The following ANKRD31 variants were observed in gnomAD, a reference collection of about 807,000 sequenced individuals.
The protein encoded by ANKRD31 is ankyrin repeat domain-containing protein 31.
ANKRD31 carries 147 observed loss-of-function variants against 186.0 expected under a neutral mutation model. The ratio of observed to expected loss-of-function variants is 0.79; its 90% confidence interval spans 0.69 to 0.91. The LOEUF is 0.91. Ranked by LOEUF, ANKRD31 falls within the 40% of genes least tolerant of loss-of-function variation. The pLI is 0.00. For synonymous variants in ANKRD31, 673 were observed against 736.4 expected, an observed-to-expected ratio of 0.91 and a Z score of 1.39; for missense variants, 1,986 against 2,148.8, an observed-to-expected ratio of 0.92 and a Z score of 1.50.
chr5:75,149,245 G>C (rs1272045299), intron 12 of ANKRD31, among the ~76,000 whole-genome samples: 2 of 151,696 alleles, frequency 1.3e-5, no homozygotes, highest in African/African-American at 4.8e-5. Flanking sequence ...GGCTACAAAA[G>C]ATAAAAACCT....
chr5:75,107,379 A>G, intron 21 of ANKRD31, 142 bp downstream of exon 21: 1 of 567,594 alleles, frequency 1.8e-6, no homozygotes. Flanking sequence ...CATGGTAGTA[A>G]CGGATTAGAC....
chr5:75,195,417 C>G (rs922499953), intron 7 of ANKRD31, among the ~76,000 whole-genome samples: 1 of 151,886 alleles, frequency 6.6e-6, no homozygotes, highest in Non-Finnish European at 1.5e-5. Context: ...CTAAAAAGAT[C>G]ACTCTATGCT....
chr5:75,236,583 C>T lies in ANKRD31; in HGVS notation c.104G>A (p.Arg35Lys), dbSNP rs754979467. 14 of 1,536,756 alleles carry T rather than the reference C, an allele frequency of 9.1e-6. 1 individual carries two copies. In the Middle Eastern group the frequency reaches 1.0e-3, roughly 110 times the overall value. ...GCACTGTGGCCCTAATGATGGTCAC[C>T]TTCTCCAGGGCAGCTCCTTTTCTTC... ...DLEEKELPWR[R>K]LLFDQDASLK... is the part of the protein sequence containing the mutation. Residue 35 changes from arginine to lysine, a missense_variant and splice_region_variant, in exon 1 of 26, where the codon AGG becomes AAG. Physicochemically the swap from Arg to Lys is conservative, Grantham distance 26 (BLOSUM62 2). Transcript: ENST00000506364.
Position 75,137,993 on chromosome 5 carries a change from T to A in ANKRD31, c.3739A>T (p.Thr1247Ser), listed in dbSNP as rs1003645079. Residue 1247 changes from threonine (T) to serine (S), a missense_variant, in exon 17 of 26, where the codon ACA (threonine) becomes TCA (serine). Thr to Ser is a moderately conservative substitution (Grantham distance 58). Coordinates refer to ENST00000506364, the MANE Select transcript of ANKRD31 (RefSeq NM_001372053.1). ...DVNLNDNAGW[T>S]PLHEASNEGS... ...TCATTAGATGCCTCATGAAGTGGTG[T>A]CCAACCTAAAAAAAGAAAAAGAAAA... is the stretch of plus-strand genomic sequence containing the variant. The A allele has an allele frequency of 1.4e-6, 2 of 1,450,930 alleles. No individual in the cohort carries two copies. Among genetic ancestry groups the A allele is most frequent in the Non-Finnish European group, 1.8e-6 (2 of 1,116,112 alleles). The allele number at this position is 1,450,930 out of a possible 1,614,324, so 89.9% of individuals were successfully genotyped here. A position where few individuals can be genotyped will look rare whatever the true frequency, so the allele number is the denominator to read the frequency against.
chr5:75,166,572 C>T (rs1355745833), intron 11 of ANKRD31, among the ~76,000 whole-genome samples: 2 of 152,050 alleles, frequency 1.3e-5, no homozygotes, highest in South Asian at 4.2e-4. Context: ...TATGTGAATC[C>T]CCAAATCAAT....
chr5:75,101,638 T>C (rs1746889330), intron 22 of ANKRD31, among the ~76,000 whole-genome samples: 1 of 152,220 alleles, frequency 6.6e-6, no homozygotes, highest in South Asian at 2.1e-4. Context: ...TTTTACTCTT[T>C]TTTCTCTAAA....
intron 10 of ANKRD31, among the ~76,000 whole-genome samples, chr5:75,172,144 A>C (rs1753377017): frequency 6.6e-6 from 1 of 152,046 alleles, no homozygotes; most frequent in Non-Finnish European, 1.5e-5. Flanking sequence ...TCATGAACAT[A>C]GATGCAAAAA....
intron 23 of ANKRD31, among the ~76,000 whole-genome samples, chr5:75,085,409 C>T (rs904439903): frequency 1.3e-5 from 2 of 151,538 alleles, no homozygotes; most frequent in Non-Finnish European, 2.9e-5. Context: ...TACTCTGTCA[C>T]CCAGGCTGGA....
chr5:75,099,630 G>A (rs866671610), intron 22 of ANKRD31, among the ~76,000 whole-genome samples: 1 of 152,052 alleles, frequency 6.6e-6, no homozygotes, highest in Admixed American at 6.5e-5. Flanking sequence ...GTCTATTCAG[G>A]GATTCAACTT....
chr5:75,236,390 G>A (rs913672538), intron 1 of ANKRD31, among the ~76,000 whole-genome samples, 193 bp downstream of exon 1: 2 of 152,198 alleles, frequency 1.3e-5, no homozygotes, highest in Non-Finnish European at 2.9e-5. Flanking sequence ...AGCTGGTTGG[G>A]GGTAGGTGGG....
chr5:75,214,063 C>A (rs1756813560), intron 3 of ANKRD31, among the ~76,000 whole-genome samples: 1 of 152,118 alleles, frequency 6.6e-6, no homozygotes, highest in African/African-American at 2.4e-5. Flanking sequence ...AGTGAGGTAC[C>A]CAAACTTGGT....
Position 75,195,824 on chromosome 5 carries a change from T to C in ANKRD31, c.824A>G (p.Asp275Gly), listed in dbSNP as rs1044570403. Residue 275 changes from aspartate to glycine, a missense_variant, in exon 7 of 26, where the codon GAT (aspartate) becomes GGT (glycine). By Grantham distance (94) the Asp-to-Gly change is moderately conservative. Transcript: ENST00000506364. ...PLNSWSACHR[D>G]LLEDAKDDAL... The stretch of plus-strand genomic sequence containing the variant: ...ATCATCTTTTGCATCTTCTAGTAAA[T>C]CTCTATGACATGCCGACCAGGAATT... 5.1e-5 allele frequency: 79 copies of C among 1,537,134 alleles called. No individual in the cohort carries two copies. Among genetic ancestry groups the C allele is most frequent in the Non-Finnish European group, 6.5e-5 (74 of 1,146,860 alleles).
intron 25 of ANKRD31, among the ~76,000 whole-genome samples, chr5:75,069,067 CT>C (rs1743997550): frequency 6.6e-6 from 1 of 152,150 alleles, no homozygotes. Context: ...TTATTTAGTA[CT>C]AAAAAGAGTA....
intron 10 of ANKRD31, among the ~76,000 whole-genome samples, chr5:75,181,170 C>G (rs1190205706): frequency 6.6e-6 from 1 of 152,138 alleles, no homozygotes; most frequent in East Asian, 1.9e-4. Flanking sequence ...AAATACAAAT[C>G]AAAACCACAG....
intron 19 of ANKRD31, among the ~76,000 whole-genome samples, chr5:75,114,743 C>T (rs1580352781): frequency 6.6e-6 from 1 of 152,204 alleles, no homozygotes; most frequent in African/African-American, 2.4e-5. Context: ...AACCGCTGCT[C>T]AACGAAATAA....
intron 1 of ANKRD31, among the ~76,000 whole-genome samples, chr5:75,230,870 A>G (rs1757907860): frequency 6.6e-6 from 1 of 152,170 alleles, no homozygotes; most frequent in Non-Finnish European, 1.5e-5. Context: ...TTATTTTTTA[A>G]TATTTGGGAG....
At chr5:75,092,297 A>G (rs1005493753) in intron 22 of ANKRD31, among the ~76,000 whole-genome samples, 2 of 152,240 alleles carry the variant, frequency 1.3e-5, no homozygotes, top group Non-Finnish European at 2.9e-5. Flanking sequence ...TGTAAGAGAC[A>G]ACTGGGAAAA....
chr5:75,209,311 TA>T (rs968526896), intron 4 of ANKRD31, among the ~76,000 whole-genome samples: 337 of 147,428 alleles, frequency 2.3e-3, no homozygotes, highest in African/African-American at 7.6e-3. Context: ...CCTCTCAAGT[TA>T]AAAAAAAAAG....
chr5:75,070,359 T>C (rs143495585), intron 25 of ANKRD31, among the ~76,000 whole-genome samples: 1 of 152,304 alleles, frequency 6.6e-6, no homozygotes, highest in East Asian at 1.9e-4. Flanking sequence ...TAAGATACTA[T>C]CCCCCACTTT....
Sources: allele counts gnomAD v4.1 joint callset (sites outside exome capture counted in the v4.1 genomes callset), GRCh38; gene constraint gnomAD v4.1.1; transcripts MANE v1.5; gene names NCBI Gene and HGNC (gene_info 2026-07-23, HGNC 2026-07-21).